DGKD: variants seen among roughly 807,000 people sequenced by gnomAD.
The protein encoded by DGKD is diacylglycerol kinase delta.
DGKD carries 68 observed loss-of-function variants against 154.4 expected under a neutral mutation model. That is an observed-to-expected ratio of 0.44 (90% confidence interval 0.36 to 0.54). The LOEUF (loss-of-function observed/expected upper bound fraction) is 0.54, where lower values mean the gene tolerates loss of function less well. DGKD is among the 20% of genes least tolerant of loss of function. The probability of loss-of-function intolerance (pLI) is 0.00; values close to 1 mark genes in which losing one functional copy is unlikely to be tolerated. For synonymous variants in DGKD, 693 were observed against 638.0 expected (o/e 1.09, Z -1.30); for missense variants, 1,343 against 1,593.6 (o/e 0.84, Z 2.68).
chr2:233,374,014 TTTAA>T (rs1702450456), intron 1 of DGKD, among the ~76,000 whole-genome samples: 1 of 151,270 alleles, frequency 6.6e-6, no homozygotes, highest in Non-Finnish European at 1.5e-5. Context: ...TGTCTTTTAG[TTTAA>T]TTTTTTTTTT....
rs1248220338 is a variant in DGKD, at chr2:233,468,569, T to C, written c.3555+16T>C. On this transcript the variant is annotated intron_variant, in intron 29 of 29. Coordinates refer to ENST00000264057, the MANE Select transcript of DGKD (RefSeq NM_152879.3). ...GGACCTCAAGGTACTTCCATAGGCG[T>C]CTCCCTGGAACCTGCACTTGGGCTT... 36 of 1,612,780 alleles carry C rather than the reference T, an allele frequency of 2.2e-5. No individual in the cohort carries two copies. Among genetic ancestry groups the C allele is most frequent in the Non-Finnish European group, 3.0e-5 (35 of 1,179,820 alleles).
intron 3 of DGKD, among the ~76,000 whole-genome samples, chr2:233,399,285 G>T (rs1272547951): frequency 6.6e-6 from 1 of 152,204 alleles, no homozygotes; most frequent in Non-Finnish European, 1.5e-5. Context: ...CACAGTAGGT[G>T]CACATAACTC....
At position 233,388,018 on chromosome 2, in the gene DGKD, T is replaced by A. The variant is rs542007532; in HGVS notation, c.157-239T>A. 80 of 820,662 alleles carry A rather than the reference T, an allele frequency of 9.7e-5. No individual in the cohort carries two copies. In the East Asian group the frequency reaches 2.5e-3, roughly 25 times the overall value. The allele number at this position is 820,662 out of a possible 1,614,324, so 50.8% of individuals were successfully genotyped here. ...GTGCGTCCAGGGCACACCCTGGGCCTCTTGACACCCCCACCCACACAGGCA... is the reference window on the plus strand; with the variant it reads ...GTGCGTCCAGGGCACACCCTGGGCCACTTGACACCCCCACCCACACAGGCA... On this transcript the variant is annotated intron_variant, in intron 1 of 29. Transcript: ENST00000264057.
Position 233,434,790 on chromosome 2 carries a change from C to T in DGKD, c.475C>T (p.His159Tyr). 6.2e-7 allele frequency: 1 copy of T among 1,614,072 alleles called. No homozygotes were observed. The highest frequency in any genetic ancestry group is 8.5e-7 in the Non-Finnish European group (1 of 1,179,976). ...HFEPTQYSMDHFSGMHNWYAC... is the reference protein window; with the variant it reads ...HFEPTQYSMDYFSGMHNWYAC... ...CCAGCCCACCCAGTACAGCATGGAC[C>T]ACTTCTCAGGGATGCACAATTGGTA... is the stretch of plus-strand genomic sequence containing the variant. Residue 159 changes from histidine to tyrosine, a missense_variant, in exon 5 of 30, where the codon CAC (histidine) becomes TAC (tyrosine). By Grantham distance (83) the His-to-Tyr change is moderately conservative. Around this residue, in one of 6 missense-constraint regions of DGKD, gnomAD observed 332 missense variants for 400.1 expected, o/e 0.83. Transcript: ENST00000264057.
Position 233,440,089 on chromosome 2 carries a change from T to A in DGKD, c.1085+1710T>A, listed in dbSNP as rs1288141930. On this transcript the variant is annotated intron_variant, in intron 9 of 29. Coordinates refer to ENST00000264057, the MANE Select transcript of DGKD (RefSeq NM_152879.3). This position sits in a 1 kb window ranked among gnomAD's most constrained non-coding sequence, Gnocchi z 4.9. Reference sequence around the variant, plus strand: ...TGGTGTGCAAGCAAAACCCCATGTTTCGTAGTGGGAGTTAAGTATGAGATG... The same window carrying A: ...TGGTGTGCAAGCAAAACCCCATGTTACGTAGTGGGAGTTAAGTATGAGATG... Among the ~76,000 whole-genome samples the A allele has an allele frequency of 6.6e-6, 1 of 152,112 alleles. No homozygotes were observed. The highest frequency in any genetic ancestry group is 1.5e-5 in the Non-Finnish European group (1 of 68,022).
At chr2:233,380,453 A>G (rs1276113449) in intron 1 of DGKD, among the ~76,000 whole-genome samples, 1 of 152,124 alleles carries the variant, frequency 6.6e-6, no homozygotes, top group Non-Finnish European at 1.5e-5. Context: ...CTGCAGCACT[A>G]AATGTTGTAT....
chr2:233,419,462 C>CTGT (rs776850732), intron 3 of DGKD: 157 of 984,722 alleles, frequency 1.6e-4, no homozygotes, highest in Non-Finnish European at 1.8e-4. Flanking sequence ...TACTGGGAGG[C>CTGT]TGTTGGGTGG....
At chr2:233,366,816 G>A (rs1458852665) in intron 1 of DGKD, among the ~76,000 whole-genome samples, 4 of 152,070 alleles carry the variant, frequency 2.6e-5, no homozygotes, top group Admixed American at 2.0e-4. Flanking sequence ...TAGGAGGTGG[G>A]CAGAAGAGGA....
intron 3 of DGKD, among the ~76,000 whole-genome samples, chr2:233,398,457 A>T (rs1559503448): frequency 6.6e-6 from 1 of 151,728 alleles, no homozygotes; most frequent in East Asian, 2.0e-4. Flanking sequence ...TAGGTAAAAT[A>T]TTTTTTAAAA....
At chr2:233,405,601 A>G (rs1488823779) in intron 3 of DGKD, among the ~76,000 whole-genome samples, 1 of 151,950 alleles carries the variant, frequency 6.6e-6, no homozygotes, top group Non-Finnish European at 1.5e-5. Context: ...CTGTTATTGT[A>G]GGGGTCAGTT....
chr2:233,439,105 G>A (rs1201980288), intron 9 of DGKD, among the ~76,000 whole-genome samples: 1 of 152,236 alleles, frequency 6.6e-6, no homozygotes, highest in African/African-American at 2.4e-5. Flanking sequence ...TTGCCTTTGT[G>A]AATTTTGCCA....
chr2:233,461,150 G>T (rs2924814), intron 24 of DGKD, among the ~76,000 whole-genome samples: 1 of 152,080 alleles, frequency 6.6e-6, no homozygotes, highest in Admixed American at 6.5e-5. Context: ...TCGCCCGCCA[G>T]GTGCGGGTTC....
chr2:233,374,735 G>C (rs572940413), intron 1 of DGKD, among the ~76,000 whole-genome samples: 22 of 152,238 alleles, frequency 1.4e-4, no homozygotes, highest in African/African-American at 5.1e-4. Flanking sequence ...CTAAATTCCT[G>C]GGTTCAAGCA....
chr2:233,412,427 A>G (rs2061851528), intron 3 of DGKD, among the ~76,000 whole-genome samples: 1 of 152,198 alleles, frequency 6.6e-6, no homozygotes, highest in Non-Finnish European at 1.5e-5. Context: ...TTTGCTGCTA[A>G]TATATAAGAA....
chr2:233,427,631 T>G (rs78084238), intron 3 of DGKD, among the ~76,000 whole-genome samples: 1 of 152,268 alleles, frequency 6.6e-6, no homozygotes, highest in Non-Finnish European at 1.5e-5. Context: ...CGTAAGCCAC[T>G]GCGCCCAGCC....
In DGKD at chr2:233,388,665, C is replaced by T. The variant is rs370755437; in HGVS notation, c.267+298C>T. 321 of 221,960 alleles carry T rather than the reference C, an allele frequency of 1.4e-3. 8 individuals are homozygous for T. In the South Asian group the frequency reaches 0.053, roughly 37 times the overall value. The allele number at this position is 221,960 out of a possible 1,614,324, so 13.7% of individuals were successfully genotyped here. A position where few individuals can be genotyped will look rare whatever the true frequency, so the allele number is the denominator to read the frequency against. On this transcript the variant is annotated intron_variant, in intron 2 of 29. Transcript: ENST00000264057. ...GCTGGATATCTCTCTCTCAGAAAGG[C>T]GGAGGGAATCACGGGGCTATGAATT...
At chr2:233,401,899 G>A (rs1459881451) in intron 3 of DGKD, among the ~76,000 whole-genome samples, 1 of 125,674 alleles carries the variant, frequency 8.0e-6, no homozygotes, top group African/African-American at 3.1e-5. Flanking sequence ...CAGCCTGGGC[G>A]ACAGAGTGAG....
At chr2:233,411,934 T>G (rs1363956318) in intron 3 of DGKD, among the ~76,000 whole-genome samples, 1 of 152,220 alleles carries the variant, frequency 6.6e-6, no homozygotes, top group Non-Finnish European at 1.5e-5. Context: ...CCTTTTATTT[T>G]TGAGTCTCTT....
At chr2:233,404,208 G>A (rs766366642) in intron 3 of DGKD, among the ~76,000 whole-genome samples, 2 of 151,976 alleles carry the variant, frequency 1.3e-5, no homozygotes, top group African/African-American at 4.8e-5. Context: ...TGTAATGATC[G>A]TTTTTTATGG....
Sources: allele counts gnomAD v4.1 joint callset (sites outside exome capture counted in the v4.1 genomes callset), GRCh38; gene constraint gnomAD v4.1.1; regional missense constraint gnomAD v4.1.1; non-coding constraint Gnocchi (gnomAD v3.1); transcripts MANE v1.5; gene names NCBI Gene and HGNC (gene_info 2026-07-23, HGNC 2026-07-21).